Variants in DPP6 observed in about 807,000 individuals in gnomAD.
DPP6 encodes the protein A-type potassium channel modulatory protein DPP6.
A neutral mutation model predicts 122.6 loss-of-function variants in DPP6; 69 were observed. The ratio of observed to expected loss-of-function variants is 0.56; its 90% confidence interval spans 0.46 to 0.69. The LOEUF is 0.69. DPP6 is among the 30% of genes least tolerant of loss of function. DPP6 has a pLI of 0.00. For missense variants in DPP6, 928 were observed against 1,116.9 expected, an observed-to-expected ratio of 0.83 and a Z score of 2.41; for synonymous variants, 418 against 433.1, an observed-to-expected ratio of 0.97 and a Z score of 0.43.
At chr7:154,630,853 A>G (rs1163349931) in intron 5 of DPP6, among the ~76,000 whole-genome samples, 1 of 152,160 alleles carries the variant, frequency 6.6e-6, no homozygotes, top group Non-Finnish European at 1.5e-5. Flanking sequence ...TAAAACCTAG[A>G]TGACAGATTG....
chr7:153,815,507 A>G, the DPP6 span, among the ~76,000 whole-genome samples: 1 of 151,938 alleles, frequency 6.6e-6, no homozygotes, highest in African/African-American at 2.4e-5. Flanking sequence ...TCCTAAAGCT[A>G]TCCCTCCCCC....
intron 16 of DPP6, among the ~76,000 whole-genome samples, chr7:154,823,434 G>A (rs1365105703): frequency 1.3e-5 from 2 of 152,046 alleles, no homozygotes; most frequent in Non-Finnish European, 2.9e-5. Context: ...ACAGTAAATG[G>A]GTCTGAATGA....
At chr7:154,697,810 C>T (rs566857622) in intron 7 of DPP6, among the ~76,000 whole-genome samples, 78 of 152,250 alleles carry the variant, frequency 5.1e-4, no homozygotes, top group African/African-American at 1.7e-3. Context: ...TCAGCCATGG[C>T]GTGCGCGGCT....
At chr7:153,937,815 C>G (rs1436065383) in intron 1 of DPP6, among the ~76,000 whole-genome samples, 4 of 152,118 alleles carry the variant, frequency 2.6e-5, no homozygotes, top group South Asian at 2.1e-4. Context: ...CCAGGAGATT[C>G]CTGCCCAGGG....
chr7:154,479,879 C>T (rs1823102501), intron 3 of DPP6, among the ~76,000 whole-genome samples: 1 of 152,064 alleles, frequency 6.6e-6, no homozygotes, highest in African/African-American at 2.4e-5. Context: ...CAAATCTCAC[C>T]TTCTCTGCCC....
intron 8 of DPP6, among the ~76,000 whole-genome samples, chr7:154,758,979 C>G (rs560220357): frequency 3.3e-5 from 5 of 152,282 alleles, no homozygotes; most frequent in African/African-American, 1.2e-4. Context: ...ATTTTCCTCT[C>G]AAAGTTGCTC....
In DPP6 at chr7:154,603,638, G is replaced by A. The variant is rs186075841; in HGVS notation, c.628-34183G>A. On this transcript the variant is annotated intron_variant, in intron 5 of 25. Transcript: ENST00000377770. The stretch of plus-strand genomic sequence containing the variant: ...GCCACTGGACTCCAGCCTGGGTGAC[G>A]AGAGTGAAACTCTGTCTCAAAAAAA... Among the ~76,000 whole-genome samples, 659 of 70,052 alleles carry A rather than the reference G, an allele frequency of 9.4e-3. 98 individuals are homozygous for A. The highest frequency in any genetic ancestry group is 0.011 in the Non-Finnish European group (384 of 36,080). 46.0% of individuals were successfully genotyped at this position (70,052 alleles called of 152,430 possible).
At chr7:153,750,825 G>C in the DPP6 span, among the ~76,000 whole-genome samples, 1 of 152,126 alleles carries the variant, frequency 6.6e-6, no homozygotes, top group Non-Finnish European at 1.5e-5. Context: ...TAAAATCTTT[G>C]ATGGCCTAAA....
At chr7:154,177,332 TA>T (rs199522873) in intron 1 of DPP6, among the ~76,000 whole-genome samples, 2 of 151,924 alleles carry the variant, frequency 1.3e-5, no homozygotes, top group Non-Finnish European at 1.5e-5. Context: ...TGAGATATGG[TA>T]AAAAAAAGAA....
chr7:154,342,238 G>A (rs1412985317), intron 1 of DPP6, among the ~76,000 whole-genome samples: 1 of 152,190 alleles, frequency 6.6e-6, no homozygotes, highest in South Asian at 2.1e-4. Flanking sequence ...GCAGCCCCAG[G>A]ATATCTGATC....
intron 7 of DPP6, among the ~76,000 whole-genome samples, chr7:154,717,317 G>A (rs139709417): frequency 6.3e-4 from 95 of 151,858 alleles, no homozygotes; most frequent in African/African-American, 2.1e-3. Context: ...TGGAATACTC[G>A]GACTTATTCC....
intron 1 of DPP6, among the ~76,000 whole-genome samples, chr7:154,199,595 C>G (rs945861209): frequency 2.6e-5 from 4 of 151,778 alleles, no homozygotes; most frequent in African/African-American, 7.3e-5. Context: ...GGCATCTATA[C>G]TCTCAGCCAC....
the DPP6 span, among the ~76,000 whole-genome samples, chr7:153,831,683 A>T: frequency 6.6e-6 from 1 of 152,218 alleles, no homozygotes; most frequent in South Asian, 2.1e-4. Flanking sequence ...GTCACAAAAT[A>T]ATGTTTTTTT....
chr7:153,896,062 T>TA (rs1408897667), intron 1 of DPP6, among the ~76,000 whole-genome samples: 2 of 152,246 alleles, frequency 1.3e-5, no homozygotes, highest in Non-Finnish European at 2.9e-5. Flanking sequence ...ACGAGAGGTC[T>TA]AAGGCTGAGC....
At chr7:154,379,354 G>C (rs945339256) in intron 1 of DPP6, among the ~76,000 whole-genome samples, 5 of 152,060 alleles carry the variant, frequency 3.3e-5, no homozygotes, top group Non-Finnish European at 7.3e-5. Context: ...ACCAGGGCCT[G>C]TCAGGTGGTG....
chr7:153,825,033 C>T, the DPP6 span, among the ~76,000 whole-genome samples: 12 of 152,192 alleles, frequency 7.9e-5, no homozygotes, highest in Non-Finnish European at 1.3e-4. Context: ...GCCTCAGTCA[C>T]GCTACTCAGC....
intron 2 of DPP6, among the ~76,000 whole-genome samples, chr7:154,456,455 T>C (rs1196192936): frequency 6.6e-6 from 1 of 152,206 alleles, no homozygotes; most frequent in Non-Finnish European, 1.5e-5. Context: ...TCTTTCTTTT[T>C]CATTCAGTAA....
intron 1 of DPP6, among the ~76,000 whole-genome samples, chr7:154,321,555 G>A (rs1209765132): frequency 2.0e-5 from 3 of 151,904 alleles, no homozygotes; most frequent in African/African-American, 4.8e-5. Context: ...AGGCTGAGGC[G>A]GGCGGATCAC....
At chr7:153,873,196 T>G in the DPP6 span, among the ~76,000 whole-genome samples, 1 of 152,124 alleles carries the variant, frequency 6.6e-6, no homozygotes, top group Admixed American at 6.5e-5. Flanking sequence ...ATGGGAATCA[T>G]GTGTGAGAAC....
Sources: allele counts gnomAD v4.1 joint callset (sites outside exome capture counted in the v4.1 genomes callset), GRCh38; gene constraint gnomAD v4.1.1; transcripts MANE v1.5; gene names NCBI Gene and HGNC (gene_info 2026-07-23, HGNC 2026-07-21).